The following HS3ST4 variants were observed in gnomAD, a reference collection of about 807,000 sequenced individuals.
HS3ST4 encodes heparan sulfate-glucosamine 3-sulfotransferase 4.
Under a neutral mutation model 29.2 loss-of-function variants are expected in HS3ST4, and 17 were observed. The observed-to-expected ratio is 0.58, with a 90% CI of 0.40 to 0.87. The LOEUF (loss-of-function observed/expected upper bound fraction) is 0.87. Ranked by LOEUF, HS3ST4 falls within the 40% of genes least tolerant of loss-of-function variation. The probability of loss-of-function intolerance (pLI) is 0.00; values close to 1 mark genes in which losing one functional copy is unlikely to be tolerated. For synonymous variants in HS3ST4, 314 were observed against 285.7 expected, an observed-to-expected ratio of 1.10 and a Z score of -1.00; for missense variants, 627 against 634.5, an observed-to-expected ratio of 0.99 and a Z score of 0.13.
At chr16:25,927,010 C>T (rs887836224) in intron 1 of HS3ST4, among the ~76,000 whole-genome samples, 1 of 151,784 alleles carries the variant, frequency 6.6e-6, no homozygotes, top group Non-Finnish European at 1.5e-5. Flanking sequence ...TGCAGTGAGC[C>T]GAGATTGTGC....
intron 1 of HS3ST4, among the ~76,000 whole-genome samples, chr16:26,054,213 T>C (rs1292277893): frequency 6.6e-6 from 1 of 150,732 alleles, no homozygotes; most frequent in Non-Finnish European, 1.5e-5. Flanking sequence ...ACTGGTTGGA[T>C]TTACATCATA....
intron 1 of HS3ST4, among the ~76,000 whole-genome samples, chr16:26,100,924 AG>A (rs1409065865): frequency 6.6e-6 from 1 of 152,150 alleles, no homozygotes; most frequent in African/African-American, 2.4e-5. Flanking sequence ...TAACTAAGCC[AG>A]GGCTCAAAGG....
chr16:25,848,450 C>A (rs1046599351), intron 1 of HS3ST4, among the ~76,000 whole-genome samples: 1 of 103,712 alleles, frequency 9.6e-6, no homozygotes, highest in Non-Finnish European at 1.8e-5. Flanking sequence ...TAATTTTAAA[C>A]GAAAAAATAA....
chr16:25,943,025 C>T (rs1968588127), intron 1 of HS3ST4, among the ~76,000 whole-genome samples: 1 of 152,178 alleles, frequency 6.6e-6, no homozygotes, highest in South Asian at 2.1e-4. Context: ...CAATCCTCTT[C>T]ATTAAAGCAA....
intron 1 of HS3ST4, among the ~76,000 whole-genome samples, chr16:26,105,719 G>A (rs1006598869): frequency 2.0e-5 from 3 of 152,222 alleles, no homozygotes; most frequent in Admixed American, 1.3e-4. Context: ...ACGGGCTTTC[G>A]CCCCAGAATG....
At chr16:26,091,253 T>C (rs1898852878) in intron 1 of HS3ST4, among the ~76,000 whole-genome samples, 1 of 152,328 alleles carries the variant, frequency 6.6e-6, no homozygotes, top group Middle Eastern at 3.4e-3. Flanking sequence ...TTTACCATGA[T>C]GTATGATAAT....
chr16:25,748,624 T>C (rs1457849460), intron 1 of HS3ST4, among the ~76,000 whole-genome samples: 1 of 152,238 alleles, frequency 6.6e-6, no homozygotes, highest in African/African-American at 2.4e-5. Flanking sequence ...TACATGATAA[T>C]GCAATTTTCT....
chr16:25,788,081 A>T (rs1176238152), intron 1 of HS3ST4, among the ~76,000 whole-genome samples: 1 of 152,186 alleles, frequency 6.6e-6, no homozygotes, highest in Non-Finnish European at 1.5e-5. Flanking sequence ...TGCAAAGTTG[A>T]AAAGTCCAAG....
In HS3ST4 at chr16:26,136,573, A is replaced by G; in HGVS notation, c.*325A>G. 2.8e-6 allele frequency: 1 copy of G among 357,444 alleles called. No individual in the cohort carries two copies. Among genetic ancestry groups the G allele is most frequent in the African/African-American group, 2.1e-5 (1 of 48,662 alleles). The allele number at this position is 357,444 out of a possible 1,614,324, so 22.1% of individuals were successfully genotyped here. ...AGTTGTCAATGTCAGAGACAGTGCT[A>G]TTAATGTATATGTGAGCGACAAAAA... On this transcript the variant is annotated 3_prime_UTR_variant, in exon 2 of 2. Coordinates refer to ENST00000331351, the MANE Select transcript of HS3ST4 (RefSeq NM_006040.3).
intron 1 of HS3ST4, among the ~76,000 whole-genome samples, chr16:26,081,657 C>G (rs1898724904): frequency 6.6e-6 from 1 of 152,064 alleles, no homozygotes; most frequent in South Asian, 2.1e-4. Context: ...GAGAAATTAT[C>G]CAGGTGAAGA....
At chr16:26,002,545 A>C (rs935131068) in intron 1 of HS3ST4, among the ~76,000 whole-genome samples, 9 of 152,048 alleles carry the variant, frequency 5.9e-5, no homozygotes, top group Non-Finnish European at 1.2e-4. Context: ...TAAATGGTGG[A>C]AGGATGTGTC....
At chr16:25,803,333 G>A (rs980203510) in intron 1 of HS3ST4, among the ~76,000 whole-genome samples, 2 of 152,044 alleles carry the variant, frequency 1.3e-5, no homozygotes, top group Admixed American at 1.3e-4. Flanking sequence ...TTCTTTTCTT[G>A]CTCTTGACTT....
chr16:25,925,950 C>T (rs1968398335), intron 1 of HS3ST4, among the ~76,000 whole-genome samples: 1 of 152,114 alleles, frequency 6.6e-6, no homozygotes, highest in Non-Finnish European at 1.5e-5. Flanking sequence ...GCCTCCGCTC[C>T]CATGCCAGAC....
intron 1 of HS3ST4, among the ~76,000 whole-genome samples, chr16:25,898,445 C>T (rs1158532667): frequency 1.3e-5 from 2 of 152,176 alleles, no homozygotes; most frequent in Admixed American, 6.5e-5. Context: ...CAAACTTTCC[C>T]TTCTTGCAGA....
At position 25,924,164 on chromosome 16, in the gene HS3ST4, G is replaced by A. The variant is rs1968381244; in HGVS notation, c.735-211448G>A. Among the ~76,000 whole-genome samples the A allele has an allele frequency of 2.0e-5, 3 of 152,280 alleles. No individual in the cohort carries two copies. In the South Asian group the frequency reaches 6.2e-4, roughly 32 times the overall value. ...GTTAAATGATGTAAACGGCCGTTTA[G>A]TTGTTCAGTCCAAATTCTGAGATTC... On this transcript the variant is annotated intron_variant, in intron 1 of 1. Coordinates refer to ENST00000331351, the MANE Select transcript of HS3ST4 (RefSeq NM_006040.3).
intron 1 of HS3ST4, among the ~76,000 whole-genome samples, chr16:25,956,150 G>C (rs1230829717): frequency 1.3e-5 from 2 of 152,142 alleles, no homozygotes; most frequent in Non-Finnish European, 2.9e-5. Flanking sequence ...AGAGAAAAGA[G>C]TGACTAAATT....
chr16:26,110,581 T>C (rs1160013702), intron 1 of HS3ST4, among the ~76,000 whole-genome samples: 4 of 152,214 alleles, frequency 2.6e-5, no homozygotes, highest in East Asian at 1.9e-4. Flanking sequence ...TTCCAAATAA[T>C]GTCAAGAATC....
chr16:26,114,778 C>G (rs1343481830), intron 1 of HS3ST4, among the ~76,000 whole-genome samples: 1 of 152,058 alleles, frequency 6.6e-6, no homozygotes, highest in Non-Finnish European at 1.5e-5. Context: ...TGAGTGGGAA[C>G]AAAATTTTGG....
At chr16:25,831,395 C>CCACACACACACACACACA (rs555584666) in intron 1 of HS3ST4, among the ~76,000 whole-genome samples, 2 of 101,560 alleles carry the variant, frequency 2.0e-5, no homozygotes, top group African/African-American at 7.4e-5. Context: ...GACCCCGTCT[C>CCACACACACACACACACA]TACACACACA....
Sources: gnomAD v4.1 joint callset for allele counts (sites outside exome capture counted in the v4.1 genomes callset) on GRCh38, gnomAD v4.1.1 for gene constraint, MANE v1.5 for transcripts, NCBI Gene and HGNC (gene_info 2026-07-23, HGNC 2026-07-21) for gene names.